AGFG1: variants seen among roughly 807,000 people sequenced by gnomAD.
AGFG1 encodes ArfGAP with FG repeats 1.
Under a neutral mutation model 60.6 loss-of-function variants are expected in AGFG1, and 10 were observed. The observed-to-expected ratio is 0.16, with a 90% CI of 0.10 to 0.28. The LOEUF (loss-of-function observed/expected upper bound fraction) is 0.28. Ranked by LOEUF, AGFG1 falls within the 10% of genes least tolerant of loss-of-function variation. AGFG1 has a pLI of 1.00. For synonymous variants in AGFG1, 247 were observed against 242.9 expected, an observed-to-expected ratio of 1.02 and a Z score of -0.16; for missense variants, 537 against 676.5, an observed-to-expected ratio of 0.79 and a Z score of 2.29.
At chr2:227,483,637 G>C (rs370288818) in intron 1 of AGFG1, among the ~76,000 whole-genome samples, 7 of 152,096 alleles carry the variant, frequency 4.6e-5, no homozygotes, top group South Asian at 4.1e-4. Flanking sequence ...ATCCAAGTTA[G>C]TTGTTGTTTA....
At chr2:227,521,800 T>C (rs887135750) in intron 3 of AGFG1, among the ~76,000 whole-genome samples, 2 of 152,164 alleles carry the variant, frequency 1.3e-5, no homozygotes, top group Non-Finnish European at 2.9e-5. Flanking sequence ...ATAACAGTAA[T>C]GTATTATTCA....
chr2:227,506,727 G>A (rs1419376870), intron 2 of AGFG1, among the ~76,000 whole-genome samples: 1 of 150,392 alleles, frequency 6.6e-6, no homozygotes, highest in African/African-American at 2.5e-5. Context: ...GCCACTACTG[G>A]TGGAAATCTA....
chr2:227,494,012 G>A (rs1379274469), intron 2 of AGFG1, among the ~76,000 whole-genome samples: 1 of 152,080 alleles, frequency 6.6e-6, no homozygotes, highest in Non-Finnish European at 1.5e-5. Context: ...ACTTGCAATA[G>A]GTTGCTAGGA....
chr2:227,505,852 C>T (rs1435155861), intron 2 of AGFG1, among the ~76,000 whole-genome samples: 1 of 152,152 alleles, frequency 6.6e-6, no homozygotes. Flanking sequence ...GATTCTCTGC[C>T]TCAGCCTCCC....
At chr2:227,474,864 C>T (rs573366542) in intron 1 of AGFG1, among the ~76,000 whole-genome samples, 13 of 152,276 alleles carry the variant, frequency 8.5e-5, no homozygotes, top group Non-Finnish European at 4.4e-5. Context: ...GTCACTCAAT[C>T]TATTTGAGCT....
At chr2:227,525,315 T>TTAAA (rs1305131638) in intron 5 of AGFG1, among the ~76,000 whole-genome samples, 1 of 152,228 alleles carries the variant, frequency 6.6e-6, no homozygotes, top group Non-Finnish European at 1.5e-5. Flanking sequence ...TAGTTTATCC[T>TTAAA]TAAATATTGT....
At chr2:227,545,941 A>G (rs1692633320) in intron 10 of AGFG1, among the ~76,000 whole-genome samples, 1 of 152,232 alleles carries the variant, frequency 6.6e-6, no homozygotes, top group Non-Finnish European at 1.5e-5. Flanking sequence ...TGCGGGGGTC[A>G]GGGACCCACT....
At chr2:227,532,857 A>G (rs945576376) in intron 6 of AGFG1, among the ~76,000 whole-genome samples, 3 of 152,128 alleles carry the variant, frequency 2.0e-5, no homozygotes, top group Admixed American at 6.6e-5. Flanking sequence ...ATGTAACAGG[A>G]TATATATAAT....
At chr2:227,483,678 G>C (rs1690534847) in intron 1 of AGFG1, among the ~76,000 whole-genome samples, 1 of 152,152 alleles carries the variant, frequency 6.6e-6, no homozygotes, top group Admixed American at 6.5e-5. Flanking sequence ...TTGTTGCTAA[G>C]TAGTATTCCA....
At chr2:227,478,932 C>A (rs1384901219) in intron 1 of AGFG1, among the ~76,000 whole-genome samples, 2 of 152,182 alleles carry the variant, frequency 1.3e-5, no homozygotes, top group Non-Finnish European at 2.9e-5. Context: ...AATAATTCTT[C>A]TCACTCATGC....
At chr2:227,527,959 T>G (rs1692045270) in intron 5 of AGFG1, among the ~76,000 whole-genome samples, 1 of 152,214 alleles carries the variant, frequency 6.6e-6, no homozygotes, top group Non-Finnish European at 1.5e-5. Context: ...TTACTTTGCC[T>G]TATTTTACTT....
chr2:227,475,118 TG>T (rs1690242042), intron 1 of AGFG1, among the ~76,000 whole-genome samples: 1 of 152,246 alleles, frequency 6.6e-6, no homozygotes, highest in South Asian at 2.1e-4. Context: ...TTGGATTTTA[TG>T]GTTGTAACTC....
At chr2:227,513,188 CTATTTTTGGTA>C (rs1691545855) in intron 2 of AGFG1, among the ~76,000 whole-genome samples, 1 of 152,060 alleles carries the variant, frequency 6.6e-6, no homozygotes, top group African/African-American at 2.4e-5. Flanking sequence ...TGGAGGTTTC[CTATTTTTGGTA>C]TTCATAACTG....
At chr2:227,508,724 G>A in intron 2 of AGFG1, 1 of 431,788 alleles carries the variant, frequency 2.3e-6, no homozygotes, top group Non-Finnish European at 4.6e-6. Context: ...TAATTCTAAA[G>A]CTCATCCAAA....
At chr2:227,497,163 CT>C in intron 2 of AGFG1, among the ~76,000 whole-genome samples, 1 of 141,650 alleles carries the variant, frequency 7.1e-6, no homozygotes, top group Admixed American at 7.5e-5. Context: ...TTCACCCCCT[CT>C]TCCCCCCCCA....
chr2:227,538,415 G>T (rs1413242927), intron 10 of AGFG1, among the ~76,000 whole-genome samples: 1 of 152,094 alleles, frequency 6.6e-6, no homozygotes, highest in Non-Finnish European at 1.5e-5. Flanking sequence ...GAATGATAGG[G>T]GGATGTTCAA....
At chr2:227,488,534 G>A (rs1690706494) in intron 1 of AGFG1, among the ~76,000 whole-genome samples, 1 of 152,228 alleles carries the variant, frequency 6.6e-6, no homozygotes, top group African/African-American at 2.4e-5. Context: ...AGGTGGAAAG[G>A]TTAAGGCTTG....
chr2:227,511,850 C>T (rs927966134), intron 2 of AGFG1, among the ~76,000 whole-genome samples: 9 of 151,888 alleles, frequency 5.9e-5, no homozygotes, highest in African/African-American at 1.9e-4. Flanking sequence ...TGCGTATCTG[C>T]GATTTGGTAG....
chr2:227,509,469 A>G (rs902355480), intron 2 of AGFG1, among the ~76,000 whole-genome samples: 1 of 152,194 alleles, frequency 6.6e-6, no homozygotes, highest in African/African-American at 2.4e-5. Context: ...TCTTTAGATC[A>G]GATAATATAA....
Sources: gnomAD v4.1 joint callset for allele counts (sites outside exome capture counted in the v4.1 genomes callset) on GRCh38, gnomAD v4.1.1 for gene constraint, MANE v1.5 for transcripts, NCBI Gene and HGNC (gene_info 2026-07-23, HGNC 2026-07-21) for gene names.